The following QSER1 variants were observed in gnomAD, a reference collection of about 807,000 sequenced individuals.
QSER1 encodes the protein glutamine and serine rich 1.
Under a neutral mutation model 158.5 loss-of-function variants are expected in QSER1, and 49 were observed. The ratio of observed to expected loss-of-function variants is 0.31; its 90% CI spans 0.25 to 0.39. QSER1 has a LOEUF of 0.39. QSER1 is among the 10% of genes least tolerant of loss of function. QSER1 has a pLI of 1.00. For missense variants in QSER1, 1,754 were observed against 2,010.3 expected, an observed-to-expected ratio of 0.87 and a Z score of 2.44; for synonymous variants, 650 against 715.5, an observed-to-expected ratio of 0.91 and a Z score of 1.46.
chr11:32,927,659 G>A (rs1851990886), intron 2 of QSER1, among the ~76,000 whole-genome samples: 1 of 152,086 alleles, frequency 6.6e-6, no homozygotes, highest in Non-Finnish European at 1.5e-5. Context: ...CTTCCACCTC[G>A]GCCTCCAGAA....
chr11:32,965,099 T>A (rs1852713977), intron 8 of QSER1, among the ~76,000 whole-genome samples: 1 of 152,002 alleles, frequency 6.6e-6, no homozygotes, highest in Admixed American at 6.6e-5. Flanking sequence ...TACATTAAAA[T>A]GATTTTTTTC....
intron 4 of QSER1, among the ~76,000 whole-genome samples, chr11:32,945,196 C>T: frequency 6.9e-6 from 1 of 145,306 alleles, no homozygotes; most frequent in Non-Finnish European, 1.5e-5. Context: ...ATCCAATTTG[C>T]CAGTCTGTGT....
chr11:32,918,356 A>G (rs1049804092), intron 1 of QSER1, among the ~76,000 whole-genome samples: 1 of 152,074 alleles, frequency 6.6e-6, no homozygotes, highest in Admixed American at 6.6e-5. Context: ...GGAGAAAAAT[A>G]AAGAGGGTTA....
chr11:32,959,363 G>A (rs985104375), intron 8 of QSER1, among the ~76,000 whole-genome samples: 6 of 152,162 alleles, frequency 3.9e-5, no homozygotes, highest in Non-Finnish European at 7.3e-5. Context: ...TAAGAAAAGA[G>A]GAAGGGATGA....
rs201071597 is a variant in QSER1 at position 32,932,698 on chromosome 11, T to C, written c.1440T>C (p.Asn480=). 19 of 1,614,066 alleles carry C rather than the reference T, an allele frequency of 1.2e-5. No homozygotes were observed. Among genetic ancestry groups the C allele is most frequent in the Non-Finnish European group, 1.6e-5 (19 of 1,180,018 alleles). The change falls in exon 4 of 13, where the codon AAT becomes AAC. Residue 480 remains asparagine (N), a synonymous_variant. Transcript: ENST00000650167. ...SQNYGLVQPH[N]VPSIVHSQVY... Reference sequence around the variant, plus strand: ...ATTACGGTTTAGTACAGCCACATAATGTGCCATCTATTGTTCATTCACAGG... The same window carrying C: ...ATTACGGTTTAGTACAGCCACATAACGTGCCATCTATTGTTCATTCACAGG...
intron 1 of QSER1, among the ~76,000 whole-genome samples, chr11:32,898,739 A>G (rs1851588999): frequency 6.6e-6 from 1 of 152,038 alleles, no homozygotes; most frequent in South Asian, 2.1e-4. Context: ...ACACCTGGCT[A>G]ATTTTTAAAT....
chr11:32,951,320 T>G (rs1852417645), intron 4 of QSER1, among the ~76,000 whole-genome samples: 1 of 152,254 alleles, frequency 6.6e-6, no homozygotes, highest in South Asian at 2.1e-4. Flanking sequence ...TATCACAGTC[T>G]GTATTTCTAT....
intron 4 of QSER1, among the ~76,000 whole-genome samples, chr11:32,935,946 A>C (rs1164187882): frequency 6.6e-6 from 1 of 152,246 alleles, no homozygotes; most frequent in Non-Finnish European, 1.5e-5. Context: ...TATAATTAAG[A>C]TAAAACTTAA....
At chr11:32,948,476 A>C (rs1456602954) in intron 4 of QSER1, among the ~76,000 whole-genome samples, 1 of 152,124 alleles carries the variant, frequency 6.6e-6, no homozygotes, top group East Asian at 1.9e-4. Flanking sequence ...AAACAAAAAA[A>C]CAGTTAGGTG....
chr11:32,911,376 C>T (rs563405045), intron 1 of QSER1, among the ~76,000 whole-genome samples: 22 of 151,956 alleles, frequency 1.4e-4, no homozygotes, highest in Non-Finnish European at 3.1e-4. Context: ...TGTAACAAAC[C>T]TGTATGTTCT....
At chr11:32,952,673 C>G (rs542366333) in intron 4 of QSER1, among the ~76,000 whole-genome samples, 1 of 150,286 alleles carries the variant, frequency 6.7e-6, no homozygotes, top group Non-Finnish European at 1.5e-5. Context: ...TTGATATCTT[C>G]TTTAATTGTT....
intron 7 of QSER1, 52 bp downstream of exon 7, chr11:32,956,173 G>T (rs754502298): frequency 4.2e-5 from 61 of 1,450,134 alleles, no homozygotes; most frequent in Non-Finnish European, 5.0e-5. Flanking sequence ...GTGTATTATT[G>T]ATGATACCAA....
chr11:32,971,125 C>A (rs141057398), intron 10 of QSER1, among the ~76,000 whole-genome samples: 2,952 of 150,780 alleles, frequency 0.02, 45 homozygotes, highest in South Asian at 0.039. Context: ...ACCATGTTGG[C>A]CAGGCTGGTC....
Position 32,933,141 on chromosome 11 carries a change from C to T in QSER1, c.1883C>T (p.Ser628Phe). The T allele has an allele frequency of 6.2e-7, 1 of 1,613,268 alleles. No homozygotes were observed. Among genetic ancestry groups the T allele is most frequent in the South Asian group, 1.1e-5 (1 of 90,922 alleles). The change falls in exon 4 of 13, where the codon TCC (serine) becomes TTC (phenylalanine). Residue 628 changes from serine to phenylalanine, a missense_variant. Transcript: ENST00000650167. ...CAGAATTATATTTCTATGCATTCTTCCCAAAATGTTCAGACTCAAGAGTCA... is the reference window on the plus strand; with the variant it reads ...CAGAATTATATTTCTATGCATTCTTTCCAAAATGTTCAGACTCAAGAGTCA... ...PTQNYISMHS[S>F]QNVQTQESSS... is the part of the protein sequence containing the mutation.
rs1016444885 is a variant in QSER1 at position 32,934,921 on chromosome 11, G to A, written c.3663G>A (p.Gln1221=). 2.2e-5 allele frequency: 35 copies of A among 1,613,634 alleles called. No homozygotes were observed. Among genetic ancestry groups the A allele is most frequent in the Non-Finnish European group, 2.9e-5 (34 of 1,179,942 alleles). Residue 1221 remains glutamine (Q), a synonymous_variant, in exon 4 of 13, where the codon CAG becomes CAA. Coordinates refer to ENST00000650167, the MANE Select transcript of QSER1 (RefSeq NM_001076786.3). ...AGGAAGACAACAGTAATCAGAAACAGCTGAAAAGACCTGCCCAAGGCAAAC... is the reference window on the plus strand; with the variant it reads ...AGGAAGACAACAGTAATCAGAAACAACTGAAAAGACCTGCCCAAGGCAAAC... ...VKEEDNSNQK[Q]LKRPAQGKRQ... is the part of the protein sequence containing the mutation.
intron 3 of QSER1, 126 bp from the exon 4 acceptor site, chr11:32,931,617 C>A: frequency 1.5e-6 from 1 of 671,314 alleles, no homozygotes; most frequent in Non-Finnish European, 2.5e-6. Flanking sequence ...ACATGCAGAA[C>A]TAACTGGTCA....
rs1852561783 is a variant in QSER1, at chr11:32,958,380, T to A, written c.4969+294T>A. 2.0e-5 allele frequency among the ~76,000 whole-genome samples: 3 copies of A among 151,810 alleles called. 1 individual carries two copies. The South Asian group carries it at 6.2e-4, about 32-fold the overall frequency. ...TAGATCAGATGATTACTAAGAATCA[T>A]CTAGTTCTAAACTTTTTTTTTTTTT... On this transcript the variant is annotated intron_variant, in intron 8 of 12. Coordinates refer to ENST00000650167, the MANE Select transcript of QSER1 (RefSeq NM_001076786.3).
chr11:32,917,626 G>A (rs1327280396), intron 1 of QSER1, among the ~76,000 whole-genome samples: 1 of 151,910 alleles, frequency 6.6e-6, no homozygotes, highest in Non-Finnish European at 1.5e-5. Flanking sequence ...AGGAGTTCAA[G>A]ACCAGCCTAG....
At chr11:32,941,859 G>C (rs1389630643) in intron 4 of QSER1, among the ~76,000 whole-genome samples, 2 of 151,778 alleles carry the variant, frequency 1.3e-5, no homozygotes, top group East Asian at 3.9e-4. Context: ...CAGTGTAAAA[G>C]TGTTCCTATT....
Sources: allele counts gnomAD v4.1 joint callset (sites outside exome capture counted in the v4.1 genomes callset), GRCh38; gene constraint gnomAD v4.1.1; transcripts MANE v1.5; gene names NCBI Gene and HGNC (gene_info 2026-07-23, HGNC 2026-07-21).